CDK14: variants seen among roughly 807,000 people sequenced by gnomAD.
The protein encoded by CDK14 is cyclin-dependent kinase 14.
A neutral mutation model predicts 60.7 loss-of-function variants in CDK14; 34 were observed. The ratio of observed to expected loss-of-function variants is 0.56; its 90% CI spans 0.43 to 0.75. CDK14 has a LOEUF of 0.75. Ranked by LOEUF, CDK14 falls within the 30% of genes least tolerant of loss-of-function variation. The probability of loss-of-function intolerance (pLI) is 0.00; values close to 1 mark genes in which losing one functional copy is unlikely to be tolerated. For missense variants in CDK14, 482 were observed against 564.1 expected (o/e 0.85, Z 1.47); for synonymous variants, 197 against 203.7 (o/e 0.97, Z 0.28).
At chr7:90,599,964 A>G (rs929472336) in intron 1 of CDK14, among the ~76,000 whole-genome samples, 2 of 152,254 alleles carry the variant, frequency 1.3e-5, no homozygotes, top group Non-Finnish European at 2.9e-5. Context: ...TTGTTTACAC[A>G]TTAGAGATCA....
At chr7:91,164,349 C>T (rs961404220) in intron 14 of CDK14, among the ~76,000 whole-genome samples, 3 of 152,078 alleles carry the variant, frequency 2.0e-5, no homozygotes, top group African/African-American at 7.2e-5. Context: ...CTATTAAAGT[C>T]CTGTACGTGT....
chr7:90,869,583 C>A (rs1791300595), intron 6 of CDK14, among the ~76,000 whole-genome samples: 1 of 152,164 alleles, frequency 6.6e-6, no homozygotes, highest in South Asian at 2.1e-4. Flanking sequence ...GGATCTCTGG[C>A]TGCTTTCTTA....
At chr7:90,738,422 A>G (rs556473629) in intron 3 of CDK14, among the ~76,000 whole-genome samples, 12 of 152,368 alleles carry the variant, frequency 7.9e-5, no homozygotes, top group African/African-American at 2.9e-4. Context: ...TCAAGGGTTA[A>G]GAACACCTCT....
At chr7:90,832,664 T>C (rs1051460202) in intron 5 of CDK14, among the ~76,000 whole-genome samples, 1 of 152,212 alleles carries the variant, frequency 6.6e-6, no homozygotes, top group African/African-American at 2.4e-5. Flanking sequence ...TGAAGTATCA[T>C]TGATAAGTCT....
At chr7:90,605,683 AAAT>A (rs567978436) in intron 2 of CDK14, among the ~76,000 whole-genome samples, 12 of 152,186 alleles carry the variant, frequency 7.9e-5, no homozygotes, top group Non-Finnish European at 1.8e-4. Context: ...GAGAAAGAAA[AAAT>A]CTCATAAATC....
At chr7:90,773,177 T>A (rs1307833048) in intron 4 of CDK14, among the ~76,000 whole-genome samples, 6 of 152,206 alleles carry the variant, frequency 3.9e-5, no homozygotes, top group Admixed American at 2.0e-4. Flanking sequence ...AAAAAACAGT[T>A]ATAAGCAGAG....
chr7:91,147,310 C>T (rs1219521046), intron 14 of CDK14, among the ~76,000 whole-genome samples: 2 of 151,640 alleles, frequency 1.3e-5, no homozygotes, highest in African/African-American at 2.4e-5. Flanking sequence ...TCTCTTACTC[C>T]GAGATAATTT....
chr7:90,822,914 C>G (rs1036431363), intron 5 of CDK14, among the ~76,000 whole-genome samples: 4 of 152,266 alleles, frequency 2.6e-5, no homozygotes, highest in Middle Eastern at 6.8e-3. Context: ...AATGCTTGCA[C>G]TGTGTACTTA....
At chr7:91,149,326 T>A (rs1039915095) in intron 14 of CDK14, among the ~76,000 whole-genome samples, 5 of 151,898 alleles carry the variant, frequency 3.3e-5, no homozygotes, top group African/African-American at 1.2e-4. Context: ...ACAGCCTATT[T>A]CTTCATGCTC....
intron 10 of CDK14, among the ~76,000 whole-genome samples, chr7:91,043,662 C>A (rs1228074171): frequency 6.6e-6 from 1 of 152,176 alleles, no homozygotes; most frequent in Non-Finnish European, 1.5e-5. Context: ...TGCCTCCTTC[C>A]CCTTCGTCAT....
At chr7:91,049,323 C>A (rs1479098841) in intron 11 of CDK14, among the ~76,000 whole-genome samples, 1 of 152,170 alleles carries the variant, frequency 6.6e-6, no homozygotes, top group East Asian at 1.9e-4. Context: ...CCTTGACTTG[C>A]CTAACTGAAT....
chr7:90,876,387 T>C (rs1791564176), intron 6 of CDK14, among the ~76,000 whole-genome samples: 1 of 152,178 alleles, frequency 6.6e-6, no homozygotes, highest in African/African-American at 2.4e-5. Context: ...CTTCTCTGGG[T>C]TTAAGAGGGG....
intron 10 of CDK14, among the ~76,000 whole-genome samples, chr7:90,999,575 C>T (rs7808350): frequency 0.23 from 34,312 of 151,832 alleles, 4,159 homozygotes; most frequent in Middle Eastern, 0.29. Context: ...GGTGACAGAG[C>T]GAGACTCTGT....
intron 8 of CDK14, among the ~76,000 whole-genome samples, chr7:90,928,176 G>A (rs1336409606): frequency 6.6e-6 from 1 of 152,072 alleles, no homozygotes; most frequent in Non-Finnish European, 1.5e-5. Context: ...CCTTTAGCTC[G>A]GAGAAGTTTG....
At chr7:91,197,598 GT>G (rs565438991) in intron 14 of CDK14, among the ~76,000 whole-genome samples, 40 of 152,240 alleles carry the variant, frequency 2.6e-4, no homozygotes, top group African/African-American at 9.1e-4. Flanking sequence ...AAAAATTTGA[GT>G]TCACAAAATC....
intron 14 of CDK14, among the ~76,000 whole-genome samples, chr7:91,167,570 C>T (rs112416680): frequency 2.0e-5 from 3 of 152,256 alleles, no homozygotes; most frequent in South Asian, 2.1e-4. Context: ...AGTCTCAGTG[C>T]GCATGTTGGA....
intron 12 of CDK14, among the ~76,000 whole-genome samples, chr7:91,092,561 C>G (rs529333402): frequency 6.6e-6 from 1 of 152,298 alleles, no homozygotes; most frequent in African/African-American, 2.4e-5. Context: ...GATGAACATG[C>G]GAATTATCGC....
At chr7:91,071,477 A>T (rs1429692518) in intron 11 of CDK14, among the ~76,000 whole-genome samples, 1 of 152,186 alleles carries the variant, frequency 6.6e-6, no homozygotes, top group Non-Finnish European at 1.5e-5. Context: ...GCAGTGAGTG[A>T]GCGTGCTACC....
At chr7:91,056,875 G>T (rs1318260281) in intron 11 of CDK14, among the ~76,000 whole-genome samples, 3 of 152,184 alleles carry the variant, frequency 2.0e-5, no homozygotes, top group Non-Finnish European at 4.4e-5. Flanking sequence ...ACATACGTGT[G>T]TACGTGTCTT....
Sources: gnomAD v4.1 joint callset for allele counts (sites outside exome capture counted in the v4.1 genomes callset) on GRCh38, gnomAD v4.1.1 for gene constraint, MANE v1.5 for transcripts, NCBI Gene and HGNC (gene_info 2026-07-23, HGNC 2026-07-21) for gene names.